TENM2: variants seen among roughly 807,000 people sequenced by gnomAD.
TENM2 encodes the protein teneurin-2.
Under a neutral mutation model 245.2 loss-of-function variants are expected in TENM2, and 52 were observed. The ratio of observed to expected loss-of-function variants is 0.21; its 90% confidence interval spans 0.17 to 0.27. TENM2 has a LOEUF of 0.27. Among genes scored for constraint, TENM2 ranks in the 10% least tolerant of loss-of-function variants. The pLI, the probability that TENM2 is intolerant of heterozygous loss-of-function variation, is 1.00. For synonymous variants in TENM2, 1,363 were observed against 1,438.9 expected (o/e 0.95, Z 1.19); for missense variants, 3,046 against 3,666.8 (o/e 0.83, Z 4.37).
the TENM2 span, among the ~76,000 whole-genome samples, chr5:166,981,785 C>T: frequency 1.3e-5 from 2 of 152,000 alleles, no homozygotes; most frequent in East Asian, 3.9e-4. Context: ...TTTACCCAGC[C>T]ACCCCTCTGT....
rs183678159 is a variant in TENM2, at chr5:167,421,116, G to A, written c.502+45643G>A. 4.9e-3 allele frequency among the ~76,000 whole-genome samples: 741 copies of A among 152,202 alleles called. 3 individuals carry two copies. Among genetic ancestry groups the A allele is most frequent in the Non-Finnish European group, 7.0e-3 (477 of 67,994 alleles). ...TGAGGTCGTGGTTAAACAGTAATAC[G>A]TCTATGCTAAAACTTTAAGAGTATT... On this transcript the variant is annotated intron_variant, in intron 2 of 28. Coordinates refer to ENST00000518659, the Ensembl canonical transcript of TENM2.
At chr5:167,041,965 C>T in the TENM2 span, among the ~76,000 whole-genome samples, 1 of 152,096 alleles carries the variant, frequency 6.6e-6, no homozygotes, top group African/African-American at 2.4e-5. Context: ...ATTATCTGAT[C>T]CCTTTTTAAC....
At chr5:167,863,087 C>A (rs1048539304) in intron 2 of TENM2, among the ~76,000 whole-genome samples, 1 of 152,166 alleles carries the variant, frequency 6.6e-6, no homozygotes, top group African/African-American at 2.4e-5. Context: ...ACTGTATAAC[C>A]TTTGTCAAGT....
chr5:167,863,724 G>A (rs193100479), intron 2 of TENM2, among the ~76,000 whole-genome samples: 15 of 152,204 alleles, frequency 9.9e-5, no homozygotes, highest in Admixed American at 9.2e-4. Context: ...GTTGACTGAG[G>A]CCTACAGAAT....
chr5:167,738,963 G>A (rs1315508526), intron 2 of TENM2, among the ~76,000 whole-genome samples: 2 of 152,094 alleles, frequency 1.3e-5, no homozygotes, highest in African/African-American at 4.8e-5. Context: ...CATATGAATG[G>A]GGGACACCAT....
chr5:168,201,237 G>A (rs1254121050), intron 17 of TENM2, among the ~76,000 whole-genome samples: 1 of 151,828 alleles, frequency 6.6e-6, no homozygotes, highest in Non-Finnish European at 1.5e-5. Context: ...AGTAACTAGT[G>A]TATTTAATAT....
At chr5:167,755,280 C>T (rs1347225867) in intron 2 of TENM2, 1 of 940,282 alleles carries the variant, frequency 1.1e-6, no homozygotes, top group South Asian at 1.6e-5. Context: ...TTTAACCCTT[C>T]AGCGGATACC....
At chr5:167,477,981 C>T (rs976747561) in intron 2 of TENM2, among the ~76,000 whole-genome samples, 27 of 152,128 alleles carry the variant, frequency 1.8e-4, no homozygotes, top group Admixed American at 7.2e-4. Context: ...TAGGGAATTA[C>T]GGTTCATTCA....
At chr5:167,011,108 A>T in the TENM2 span, among the ~76,000 whole-genome samples, 1 of 152,198 alleles carries the variant, frequency 6.6e-6, no homozygotes, top group East Asian at 1.9e-4. Context: ...CATATAAATT[A>T]TTTGAAAAGT....
intron 2 of TENM2, among the ~76,000 whole-genome samples, chr5:167,511,169 T>A (rs894567867): frequency 6.6e-6 from 1 of 152,148 alleles, no homozygotes; most frequent in Non-Finnish European, 1.5e-5. Context: ...CCTTAACTCA[T>A]CACAATCTAG....
chr5:168,211,821 T>G, intron 20 of TENM2, 67 bp downstream of exon 22: 1 of 1,018,848 alleles, frequency 9.8e-7, no homozygotes, highest in Non-Finnish European at 1.4e-6. Context: ...TTTGCTTTTT[T>G]TGTTTTGTGC....
the TENM2 span, among the ~76,000 whole-genome samples, chr5:167,223,545 A>C: frequency 6.6e-6 from 1 of 152,082 alleles, no homozygotes; most frequent in Non-Finnish European, 1.5e-5. Flanking sequence ...TGGCCAGATA[A>C]TGTTCCATTG....
intron 2 of TENM2, among the ~76,000 whole-genome samples, chr5:167,457,123 C>T (rs961864268): frequency 1.3e-5 from 2 of 152,110 alleles, no homozygotes; most frequent in Non-Finnish European, 2.9e-5. Context: ...TCTCCTCTCT[C>T]CTTTGATATC....
the TENM2 span, among the ~76,000 whole-genome samples, chr5:167,023,657 T>C: frequency 4.6e-5 from 7 of 152,220 alleles, no homozygotes; most frequent in Non-Finnish European, 8.8e-5. Flanking sequence ...ATTAAAATAA[T>C]CTCTTTTCAT....
intron 3 of TENM2, among the ~76,000 whole-genome samples, chr5:167,894,445 C>T (rs1775010247): frequency 1.2e-5 from 1 of 85,504 alleles, no homozygotes; most frequent in Non-Finnish European, 2.6e-5. Context: ...CTTCCATTCT[C>T]CTTTTCTCTC....
intron 2 of TENM2, among the ~76,000 whole-genome samples, chr5:167,760,655 G>A (rs1228083498): frequency 6.6e-6 from 1 of 152,066 alleles, no homozygotes; most frequent in Admixed American, 6.6e-5. Context: ...TATTGTTGTT[G>A]TTGCTGTTGT....
At chr5:167,768,360 C>T (rs1353078399) in intron 2 of TENM2, among the ~76,000 whole-genome samples, 1 of 152,032 alleles carries the variant, frequency 6.6e-6, no homozygotes, top group Non-Finnish European at 1.5e-5. Context: ...TGAAAATCCA[C>T]CAAACTTAGT....
chr5:167,365,438 G>A (rs1043096733), intron 1 of TENM2, among the ~76,000 whole-genome samples: 1 of 151,040 alleles, frequency 6.6e-6, no homozygotes, highest in Admixed American at 6.6e-5. Context: ...AGAAATTAGG[G>A]AAATGGAAAA....
intron 2 of TENM2, among the ~76,000 whole-genome samples, chr5:167,773,482 A>G (rs1763534608): frequency 1.3e-5 from 2 of 152,132 alleles, no homozygotes; most frequent in Admixed American, 6.5e-5. Context: ...AATGACATCA[A>G]CTTCATAGAT....
Sources: gnomAD v4.1 joint callset for allele counts (sites outside exome capture counted in the v4.1 genomes callset) on GRCh38, gnomAD v4.1.1 for gene constraint, MANE v1.5 for transcripts, NCBI Gene and HGNC (gene_info 2026-07-23, HGNC 2026-07-21) for gene names.